Variants in FGF12 observed in about 807,000 individuals in gnomAD.
The protein encoded by FGF12 is fibroblast growth factor 12.
Under a neutral mutation model 23.6 loss-of-function variants are expected in FGF12, and 14 were observed. The observed-to-expected ratio is 0.59, with a 90% CI of 0.39 to 0.93. The LOEUF (loss-of-function observed/expected upper bound fraction) is 0.93. Among genes scored for constraint, FGF12 ranks in the 40% least tolerant of loss-of-function variants. The pLI, the probability that FGF12 is intolerant of heterozygous loss-of-function variation, is 0.00. For missense variants in FGF12, 175 were observed against 217.8 expected (o/e 0.80, Z 1.24); for synonymous variants, 62 against 77.3 (o/e 0.80, Z 1.04).
intron 4 of FGF12, among the ~76,000 whole-genome samples, chr3:192,264,230 G>C (rs1329266793): frequency 6.6e-6 from 1 of 152,030 alleles, no homozygotes; most frequent in Non-Finnish European, 1.5e-5. Context: ...TATTCTCCAA[G>C]CACACGATAA....
chr3:192,300,963 T>C (rs963541714), intron 4 of FGF12, among the ~76,000 whole-genome samples: 5 of 152,128 alleles, frequency 3.3e-5, no homozygotes, highest in Non-Finnish European at 7.4e-5. Flanking sequence ...ATCACCCCAC[T>C]GCACTCCAGC....
chr3:192,605,374 C>T (rs1197162724), intron 2 of FGF12, among the ~76,000 whole-genome samples: 4 of 115,636 alleles, frequency 3.5e-5, no homozygotes, highest in Admixed American at 8.4e-5. Context: ...AGGGAGACTC[C>T]GTCTCAAAAA....
chr3:192,674,707 A>T (rs1366086670), intron 2 of FGF12, among the ~76,000 whole-genome samples: 1 of 152,258 alleles, frequency 6.6e-6, no homozygotes, highest in Non-Finnish European at 1.5e-5. Flanking sequence ...TGCTCATTCA[A>T]GGAAAGAATA....
At chr3:192,486,334 T>C (rs544951462) in intron 2 of FGF12, among the ~76,000 whole-genome samples, 205 of 151,952 alleles carry the variant, frequency 1.3e-3, no homozygotes, top group African/African-American at 4.5e-3. Flanking sequence ...TTGCATTCAG[T>C]GTATGAATGG....
chr3:192,493,744 A>G (rs759385796), intron 2 of FGF12, among the ~76,000 whole-genome samples: 1 of 152,146 alleles, frequency 6.6e-6, no homozygotes, highest in Non-Finnish European at 1.5e-5. Context: ...ACACTTTTAA[A>G]TAACCAGATC....
At position 192,598,574 on chromosome 3, in the gene FGF12, A is replaced by G. The variant is rs146755525; in HGVS notation, c.13+128607T>C. 3.9e-5 allele frequency among the ~76,000 whole-genome samples: 6 copies of G among 152,294 alleles called. No homozygotes were observed. The East Asian group carries it at 1.2e-3, about 29-fold the overall frequency. On this transcript the variant is annotated intron_variant, in intron 2 of 5. Transcript: ENST00000445105. Reference sequence around the variant, plus strand: ...AGGGCAGTGTTTCTCAAACACACATATCTCATGTATACAAAGCTGCTGGAG... The same window carrying G: ...AGGGCAGTGTTTCTCAAACACACATGTCTCATGTATACAAAGCTGCTGGAG...
chr3:192,330,927 A>T (rs1375210170), intron 4 of FGF12, among the ~76,000 whole-genome samples: 1 of 152,120 alleles, frequency 6.6e-6, no homozygotes, highest in East Asian at 1.9e-4. Context: ...TAGCCTACAG[A>T]ATGGGAGAAA....
At chr3:192,678,032 G>A in intron 2 of FGF12, among the ~76,000 whole-genome samples, 1 of 152,152 alleles carries the variant, frequency 6.6e-6, no homozygotes, top group East Asian at 1.9e-4. Context: ...CATAAGAACA[G>A]TTATACAATA....
rs542367887 is a variant in FGF12, at chr3:192,154,140, C to A, written c.428-10013G>T. On this transcript the variant is annotated intron_variant, in intron 5 of 5. Transcript: ENST00000445105. ...AGGCTTCTGCATTCTTCATGTAGTT[C>A]TCGAGCCTTGGTTTTCAGCTCCATC... Among the ~76,000 whole-genome samples, 11 of 115,800 alleles carry A rather than the reference C, an allele frequency of 9.5e-5. No individual in the cohort carries two copies. In the East Asian group the frequency reaches 2.5e-3, roughly 26 times the overall value. 76.0% of individuals were successfully genotyped at this position (115,800 alleles called of 152,430 possible).
At chr3:192,490,853 C>T (rs77697360) in intron 2 of FGF12, among the ~76,000 whole-genome samples, 9,455 of 152,110 alleles carry the variant, frequency 0.062, 1,015 homozygotes, top group African/African-American at 0.22. Context: ...ATGGTGTCAT[C>T]GCAAGATAAT....
chr3:192,234,745 AG>A (rs2108588195), intron 4 of FGF12, among the ~76,000 whole-genome samples: 1 of 152,254 alleles, frequency 6.6e-6, no homozygotes, highest in South Asian at 2.1e-4. Flanking sequence ...TTTAAAACAA[AG>A]GGATGTGATG....
At chr3:192,632,785 A>G (rs935703370) in intron 2 of FGF12, among the ~76,000 whole-genome samples, 3 of 152,220 alleles carry the variant, frequency 2.0e-5, no homozygotes, top group South Asian at 2.1e-4. Context: ...AAAGTAGCAC[A>G]AAGGGGCACC....
At position 192,173,360 on chromosome 3, in the gene FGF12, C is replaced by T. The variant is rs1161190090; in HGVS notation, c.229-2704G>A. Among the ~76,000 whole-genome samples, 17 of 150,748 alleles carry T rather than the reference C, an allele frequency of 1.1e-4. 1 individual carries two copies. Among genetic ancestry groups the T allele is most frequent in the African/African-American group, 3.9e-4 (16 of 41,242 alleles). On this transcript the variant is annotated intron_variant, in intron 4 of 5. Coordinates refer to ENST00000445105, the MANE Select transcript of FGF12 (RefSeq NM_004113.6). ...AGTGAGGGAAGGAATGAAACTATTG[C>T]ACATTCCTTGCCTGGCAGCACAGGG...
chr3:192,614,616 T>A (rs965307890), intron 2 of FGF12, among the ~76,000 whole-genome samples: 10 of 152,064 alleles, frequency 6.6e-5, no homozygotes, highest in Non-Finnish European at 1.3e-4. Context: ...GAATTTAGAT[T>A]TTTTAAAACT....
chr3:192,353,537 T>G (rs1364800384), intron 3 of FGF12, among the ~76,000 whole-genome samples: 21 of 151,962 alleles, frequency 1.4e-4, no homozygotes, highest in Admixed American at 1.4e-3. Flanking sequence ...ACCCGCCTAA[T>G]TTTTTATATT....
chr3:192,379,563 CAATAATATTTACAAAGT>C (rs1719728262), intron 2 of FGF12, among the ~76,000 whole-genome samples: 1 of 151,990 alleles, frequency 6.6e-6, no homozygotes, highest in Admixed American at 6.6e-5. Context: ...TTTAACAAAG[CAATAATATTTACAAAGT>C]GGCTATTTCC....
At position 192,688,875 on chromosome 3, in the gene FGF12, T is replaced by C. The variant is rs552751321; in HGVS notation, c.13+38306A>G. Among the ~76,000 whole-genome samples the C allele has an allele frequency of 2.6e-5, 4 of 152,274 alleles. No homozygotes were observed. In the South Asian group the frequency reaches 8.3e-4, roughly 32 times the overall value. On this transcript the variant is annotated intron_variant, in intron 2 of 5. Coordinates refer to ENST00000445105, the MANE Select transcript of FGF12 (RefSeq NM_004113.6). ...AGTGGACAAACGGATAAATAAAATG[T>C]GGGATATATATATAATGAAATACTA...
At chr3:192,480,446 T>C (rs902697950) in intron 2 of FGF12, among the ~76,000 whole-genome samples, 2 of 152,192 alleles carry the variant, frequency 1.3e-5, no homozygotes, top group African/African-American at 2.4e-5. Flanking sequence ...ATTGTAGAAA[T>C]GGCATATAAT....
In FGF12 at chr3:192,493,631, G is replaced by C. The variant is rs1723865800; in HGVS notation, c.14-133093C>G. Among the ~76,000 whole-genome samples, 3 of 152,088 alleles carry C rather than the reference G, an allele frequency of 2.0e-5. No individual in the cohort carries two copies. The South Asian group carries it at 6.2e-4, about 32-fold the overall frequency. On this transcript the variant is annotated intron_variant, in intron 2 of 5. Coordinates refer to ENST00000445105, the MANE Select transcript of FGF12 (RefSeq NM_004113.6). ...GATGCTGGCATTTGCTCGGTTTCTG[G>C]GGAGGCCTCAGGAAACTTACAATCA...
Sources: allele counts gnomAD v4.1 joint callset (sites outside exome capture counted in the v4.1 genomes callset), GRCh38; gene constraint gnomAD v4.1.1; transcripts MANE v1.5; gene names NCBI Gene and HGNC (gene_info 2026-07-23, HGNC 2026-07-21).